The following PLEKHA7 variants were observed in gnomAD, a reference collection of about 807,000 sequenced individuals.
PLEKHA7 encodes pleckstrin homology domain-containing family A member 7.
A neutral mutation model predicts 170.0 loss-of-function variants in PLEKHA7; 104 were observed. The ratio of observed to expected loss-of-function variants is 0.61; its 90% CI spans 0.52 to 0.72. The LOEUF is 0.72. Ranked by LOEUF, PLEKHA7 falls within the 30% of genes least tolerant of loss-of-function variation. The pLI is 0.00. For synonymous variants in PLEKHA7, 648 were observed against 660.8 expected (o/e 0.98, Z 0.30); for missense variants, 1,615 against 1,671.7 (o/e 0.97, Z 0.59).
chr11:16,787,241 A>G, intron 23 of PLEKHA7: 3 of 985,360 alleles, frequency 3.0e-6, no homozygotes, highest in Non-Finnish European at 3.6e-6. Context: ...TCTTCCCCTG[A>G]GCAAAACCAA....
chr11:16,879,011 C>T (rs960955640), intron 3 of PLEKHA7, among the ~76,000 whole-genome samples: 1 of 152,110 alleles, frequency 6.6e-6, no homozygotes, highest in African/African-American at 2.4e-5. Flanking sequence ...GGTTAATACA[C>T]CCCACTGAGA....
intron 3 of PLEKHA7, among the ~76,000 whole-genome samples, chr11:16,943,355 G>A (rs1860814930): frequency 6.6e-6 from 1 of 151,702 alleles, no homozygotes; most frequent in Non-Finnish European, 1.5e-5. Flanking sequence ...GTGCTCCATA[G>A]CCACATGTGG....
chr11:17,009,958 C>T (rs998355338), intron 3 of PLEKHA7, among the ~76,000 whole-genome samples: 3 of 152,116 alleles, frequency 2.0e-5, no homozygotes, highest in Admixed American at 6.5e-5. Flanking sequence ...TTATCAACAT[C>T]ACTTAGTCTA....
rs1053064235 is a variant in PLEKHA7, at chr11:16,922,716, A to C, written c.222-51534T>G. On this transcript the variant is annotated intron_variant, in intron 3 of 26. Coordinates refer to ENST00000531066, the MANE Select transcript of PLEKHA7 (RefSeq NM_001329630.2). Reference sequence around the variant, plus strand: ...CTTAGCCTAGGGAGCTTCTCCTGCCACCCATCCCAGGTAAAGGCTCCCTGC... The same window carrying C: ...CTTAGCCTAGGGAGCTTCTCCTGCCCCCCATCCCAGGTAAAGGCTCCCTGC... 3.9e-5 allele frequency among the ~76,000 whole-genome samples: 6 copies of C among 152,212 alleles called. No individual in the cohort carries two copies. The South Asian group carries it at 1.2e-3, about 32-fold the overall frequency.
chr11:16,858,589 T>C (rs1853672596), intron 4 of PLEKHA7, among the ~76,000 whole-genome samples: 2 of 151,366 alleles, frequency 1.3e-5, no homozygotes, highest in South Asian at 4.2e-4. Flanking sequence ...GCCTCCCAGG[T>C]TCAAGCCATG....
intron 4 of PLEKHA7, among the ~76,000 whole-genome samples, 169 bp downstream of exon 4, chr11:16,870,930 C>G (rs402973): frequency 0.46 from 69,336 of 151,954 alleles, 16,513 homozygotes; most frequent in Non-Finnish European, 0.54. Flanking sequence ...TGAAAGAAGT[C>G]TGAAGGTTGA....
chr11:16,861,506 G>A lies in PLEKHA7; in HGVS notation c.306-5592C>T, dbSNP rs181910039. Among the ~76,000 whole-genome samples, 550 of 152,136 alleles carry A rather than the reference G, an allele frequency of 3.6e-3. 2 individuals are homozygous for A. The highest frequency in any genetic ancestry group is 5.8e-3 in the Non-Finnish European group (395 of 68,004). The stretch of plus-strand genomic sequence containing the variant: ...TCTATGAAAAATACAAAAATTAGCC[G>A]AGAGTGGTGGTGCACGCCTGTAGTC... On this transcript the variant is annotated intron_variant, in intron 4 of 26. Transcript: ENST00000531066.
chr11:16,825,170 T>A (rs1850539812), intron 10 of PLEKHA7, among the ~76,000 whole-genome samples: 1 of 152,218 alleles, frequency 6.6e-6, no homozygotes, highest in African/African-American at 2.4e-5. Context: ...TACAGCAACG[T>A]ACATATGCAT....
intron 4 of PLEKHA7, among the ~76,000 whole-genome samples, chr11:16,868,997 C>T (rs968350437): frequency 3.3e-5 from 5 of 152,194 alleles, no homozygotes; most frequent in Admixed American, 6.5e-5. Flanking sequence ...GACGGACTCT[C>T]CATCCAGACT....
intron 3 of PLEKHA7, among the ~76,000 whole-genome samples, chr11:17,003,011 T>C (rs1971007): frequency 2.4e-5 from 2 of 82,930 alleles, no homozygotes; most frequent in African/African-American, 4.3e-5. Flanking sequence ...TTTTTTTTTG[T>C]GATGGAGTTT....
intron 3 of PLEKHA7, among the ~76,000 whole-genome samples, chr11:16,960,122 G>A (rs538777423): frequency 6.2e-4 from 95 of 152,214 alleles, no homozygotes; most frequent in African/African-American, 2.3e-3. Flanking sequence ...GCTCTGCTCC[G>A]GCTTCACTCT....
chr11:16,916,190 G>A (rs1191295162), intron 3 of PLEKHA7, among the ~76,000 whole-genome samples: 1 of 152,158 alleles, frequency 6.6e-6, no homozygotes, highest in African/African-American at 2.4e-5. Context: ...CATGTCCTTC[G>A]CCCACTTGTT....
chr11:16,889,675 T>G (rs1171005077), intron 3 of PLEKHA7, among the ~76,000 whole-genome samples: 1 of 151,988 alleles, frequency 6.6e-6, no homozygotes, highest in African/African-American at 2.4e-5. Context: ...CGTCCAAACC[T>G]ACAAGTTATA....
chr11:16,841,476 C>A, intron 9 of PLEKHA7, 71 bp downstream of exon 9: 1 of 1,517,514 alleles, frequency 6.6e-7, no homozygotes, highest in Non-Finnish European at 8.9e-7. Context: ...CTCAGGCACC[C>A]AAGAGGACCT....
Position 16,817,311 on chromosome 11 carries a change from T to A in PLEKHA7, c.1355A>T (p.Asp452Val), listed in dbSNP as rs769329120. The change falls in exon 11 of 27, where the codon GAC (aspartate) becomes GTC (valine). Residue 452 changes from aspartate to valine, a missense_variant. By Grantham distance (152) the Asp-to-Val change is radical. Coordinates refer to ENST00000531066, the MANE Select transcript of PLEKHA7 (RefSeq NM_001329630.2). This position sits in a 1 kb window ranked among gnomAD's most constrained non-coding sequence, Gnocchi z 4.4. The part of the protein sequence containing the change: ...QKGDSRSLPL[D>V]QTLPRQGPGQ... ...AGGACCCTGGCGAGGAAGCGTCTGG[T>A]CCAAGGGAAGACTGAGGAGAAAGGG... The A allele has an allele frequency of 6.2e-7, 1 of 1,608,712 alleles. No individual in the cohort carries two copies. Among genetic ancestry groups the A allele is most frequent in the South Asian group, 1.1e-5 (1 of 90,784 alleles).
chr11:17,013,931 CG>C, intron 3 of PLEKHA7, 57 bp downstream of exon 3: 1 of 1,426,022 alleles, frequency 7.0e-7, no homozygotes, highest in South Asian at 1.3e-5. Context: ...CCGGCGGGAA[CG>C]GGGAGGGACC....
At chr11:16,868,748 G>T (rs776262214) in intron 4 of PLEKHA7, among the ~76,000 whole-genome samples, 1 of 152,132 alleles carries the variant, frequency 6.6e-6, no homozygotes, top group South Asian at 2.1e-4. Context: ...GAGGAAAAAA[G>T]TAAGCCTTAA....
chr11:17,009,070 A>G (rs4757488), intron 3 of PLEKHA7, among the ~76,000 whole-genome samples: 96,539 of 152,054 alleles, frequency 0.63, 31,295 homozygotes, highest in East Asian at 0.96. Flanking sequence ...CTGGCCCCAT[A>G]AGCCTTGGGG....
intron 17 of PLEKHA7, chr11:16,795,380 G>A (rs374838750): frequency 1.6e-5 from 4 of 254,954 alleles, no homozygotes; most frequent in African/African-American, 4.4e-5. Flanking sequence ...GGGGGAGAGG[G>A]AAGAATGCAG....
Sources: allele counts gnomAD v4.1 joint callset (sites outside exome capture counted in the v4.1 genomes callset), GRCh38; gene constraint gnomAD v4.1.1; non-coding constraint Gnocchi (gnomAD v3.1); transcripts MANE v1.5; gene names NCBI Gene and HGNC (gene_info 2026-07-23, HGNC 2026-07-21).